SMPD4: variants seen among roughly 807,000 people sequenced by gnomAD.
SMPD4 encodes the protein sphingomyelin phosphodiesterase 4, also known as neutral sphingomyelinase 3.
In SMPD4, 58 loss-of-function variants were observed where a neutral mutation model predicts 97.8. That is an observed-to-expected ratio of 0.59 (90% confidence interval 0.48 to 0.74). The LOEUF (loss-of-function observed/expected upper bound fraction) is 0.74, where lower values mean the gene tolerates loss of function less well. Among genes scored for constraint, SMPD4 ranks in the 30% least tolerant of loss-of-function variants. The pLI is 0.00. For synonymous variants in SMPD4, 388 were observed against 450.0 expected (o/e 0.86, Z 1.74); for missense variants, 853 against 1,080.5 (o/e 0.79, Z 2.95).
rs774625579 is a variant in SMPD4 at position 130,152,637 on chromosome 2, G to A, written c.2402C>T (p.Thr801Met). ...SLFCVGPLPC[T>M]LLLTLGYVLY... Reference sequence around the variant, plus strand: ...GACATAGCCCAGGGTGAGCAGCAGCGTGCATGGGAGGGGCCCGACGCAGAA... The same window carrying A: ...GACATAGCCCAGGGTGAGCAGCAGCATGCATGGGAGGGGCCCGACGCAGAA... The change falls in exon 20 of 20, where the codon ACG becomes ATG. Residue 801 changes from threonine (T) to methionine (M), a missense_variant. Around this residue, in one of 3 missense-constraint regions of SMPD4, gnomAD observed 511 missense variants for 608.1 expected, o/e 0.84. Transcript: ENST00000680298. 1.3e-5 allele frequency: 21 copies of A among 1,559,390 alleles called. No individual in the cohort carries two copies. The African/African-American group carries it at 1.4e-4, about 10-fold the overall frequency.
intron 19 of SMPD4, 32 bp from the exon 20 acceptor site, chr2:130,152,916 G>A (rs1220055880): frequency 6.4e-7 from 1 of 1,564,002 alleles, no homozygotes; most frequent in Admixed American, 1.8e-5. Context: ...GGGGATGTGG[G>A]GTGGTGGCAC....
At chr2:130,180,429 G>A (rs1689452560) in intron 1 of SMPD4, among the ~76,000 whole-genome samples, 1 of 151,750 alleles carries the variant, frequency 6.6e-6, no homozygotes, top group Admixed American at 6.6e-5. Context: ...CCGCTACCAC[G>A]CCCGGCTAAT....
intron 14 of SMPD4, among the ~76,000 whole-genome samples, chr2:130,155,805 G>A (rs1470363719): frequency 6.6e-6 from 1 of 152,008 alleles, no homozygotes; most frequent in East Asian, 1.9e-4. Context: ...AGGGCAGGAT[G>A]GGTCACCCAC....
In SMPD4 at chr2:130,153,372, CG is replaced by C. The variant is rs1558737884; in HGVS notation, c.1971del (p.Asp658ThrfsTer95). On this transcript the variant is annotated frameshift_variant, in exon 18 of 20. Transcript: ENST00000680298. LOFTEE classifies it high-confidence loss of function. ...AGTCCGTCCTCACCCACGATGCAGT[CG>C]GGGAGTTGCTTTTTTCCATTCTCAT... ...TQDENGKKQL[P>X]DCIVGEDGLI... is the part of the protein sequence containing the mutation. 6.2e-7 allele frequency: 1 copy of C among 1,613,814 alleles called. No individual in the cohort carries two copies.
intron 2 of SMPD4, among the ~76,000 whole-genome samples, chr2:130,175,374 G>C (rs933721801): frequency 6.6e-6 from 1 of 152,086 alleles, no homozygotes; most frequent in African/African-American, 2.4e-5. Context: ...GAGTATAACT[G>C]AGTTTGTACG....
At position 130,158,319 on chromosome 2, in the gene SMPD4, CTTT is replaced by C. The variant is rs869169572; in HGVS notation, c.952-926_952-924del. On this transcript the variant is annotated intron_variant, in intron 11 of 19. Coordinates refer to ENST00000680298, the MANE Select transcript of SMPD4 (RefSeq NM_017951.5). ...GCACAGTCAAGCATATTAGGCCAAACTTTTTTTTTTTTTCTTGAGACAACGTCT... is the reference window on the plus strand; with the variant it reads ...GCACAGTCAAGCATATTAGGCCAAACTTTTTTTTTTCTTGAGACAACGTCT... 68 of 920,344 alleles carry C rather than the reference CTTT, an allele frequency of 7.4e-5. 1 individual carries two copies. In the East Asian group the frequency reaches 3.3e-3, roughly 45 times the overall value. The allele number at this position is 920,344 out of a possible 1,614,324, so 57.0% of individuals were successfully genotyped here.
At chr2:130,160,594 G>A (rs1687298178) in intron 11 of SMPD4, among the ~76,000 whole-genome samples, 1 of 152,206 alleles carries the variant, frequency 6.6e-6, no homozygotes, top group African/African-American at 2.4e-5. Context: ...AGCGGCCAGG[G>A]CTCCCCAGGT....
At chr2:130,176,912 G>A (rs919086624) in intron 1 of SMPD4, among the ~76,000 whole-genome samples, 1 of 152,172 alleles carries the variant, frequency 6.6e-6, no homozygotes, top group Non-Finnish European at 1.5e-5. Context: ...GTGATGCCCA[G>A]GATCCTGGCC....
chr2:130,174,872 G>A (rs1688821135), intron 3 of SMPD4, 42 bp downstream of exon 3: 1 of 1,413,716 alleles, frequency 7.1e-7, no homozygotes, highest in Non-Finnish European at 1.0e-6. Flanking sequence ...TTCAACGAAT[G>A]TATAAGACAT....
intron 8 of SMPD4, among the ~76,000 whole-genome samples, chr2:130,169,639 C>T (rs1384231069): frequency 6.6e-6 from 1 of 151,594 alleles, no homozygotes; most frequent in Non-Finnish European, 1.5e-5. Context: ...GCTCACAGCT[C>T]ATTGCTCCTG....
chr2:130,154,176 A>G, intron 16 of SMPD4, 101 bp downstream of exon 16: 1 of 1,376,590 alleles, frequency 7.3e-7, no homozygotes, highest in Non-Finnish European at 9.7e-7. Flanking sequence ...TCAAATCTAT[A>G]CCCAGCCTCC....
intron 11 of SMPD4, chr2:130,158,034 G>C (rs971973984): frequency 1.0e-5 from 4 of 389,700 alleles, no homozygotes; most frequent in Admixed American, 9.5e-5. Context: ...TAATGACTCA[G>C]GAGGCTAGGG....
At chr2:130,172,175 G>C (rs1688532659) in intron 8 of SMPD4, among the ~76,000 whole-genome samples, 174 bp downstream of exon 8, 1 of 152,212 alleles carries the variant, frequency 6.6e-6, no homozygotes, top group South Asian at 2.1e-4. Flanking sequence ...AGGACAGATT[G>C]CCCGCCATAC....
At position 130,173,261 on chromosome 2, in the gene SMPD4, C is replaced by T. The variant is rs1258563817; in HGVS notation, c.345+18G>A. On this transcript the variant is annotated intron_variant, in intron 5 of 19. Transcript: ENST00000680298. The stretch of plus-strand genomic sequence containing the variant: ...CCCACTGCCCCGAGCACCACTCTCG[C>T]CACTGTGGTTTACTTACAGGCAAGT... 6.2e-7 allele frequency: 1 copy of T among 1,613,072 alleles called. No individual in the cohort carries two copies. Among genetic ancestry groups the T allele is most frequent in the East Asian group, 2.2e-5 (1 of 44,836 alleles).
At chr2:130,161,059 G>A (rs1279300372) in intron 11 of SMPD4, 127 bp downstream of exon 11, 8 of 875,848 alleles carry the variant, frequency 9.1e-6, no homozygotes, top group South Asian at 4.9e-5. Flanking sequence ...GCCTCCCCCC[G>A]ACACAGGGGC....
chr2:130,169,552 C>G (rs889566500), intron 8 of SMPD4, among the ~76,000 whole-genome samples: 2 of 151,488 alleles, frequency 1.3e-5, no homozygotes, highest in East Asian at 3.9e-4. Context: ...GGGTGAAGAT[C>G]TATGAAAGTT....
chr2:130,162,177 C>T (rs1371332573), intron 10 of SMPD4, among the ~76,000 whole-genome samples: 5 of 152,268 alleles, frequency 3.3e-5, no homozygotes, highest in Admixed American at 1.3e-4. Context: ...GATCTGGCCA[C>T]AGCCACACAC....
At chr2:130,154,970 C>T in intron 15 of SMPD4, 126 bp downstream of exon 15, 2 of 1,264,798 alleles carry the variant, frequency 1.6e-6, no homozygotes, top group Non-Finnish European at 2.2e-6. Context: ...GTCTCCACAG[C>T]ACCCTTTGCC....
chr2:130,152,669 G>A lies in SMPD4; in HGVS notation c.2370C>T (p.Ala790=), dbSNP rs1329965289. 1 of 1,568,118 alleles carries A rather than the reference G, an allele frequency of 6.4e-7. No individual in the cohort carries two copies. The highest frequency in any genetic ancestry group is 8.6e-7 in the Non-Finnish European group (1 of 1,157,450). Residue 790 remains alanine (A), a synonymous_variant, in exon 20 of 20, where the codon GCC becomes GCT. Transcript: ENST00000680298. ...LVSLLLAFFV[A]SLFCVGPLPC... ...GGAGGGGCCCGACGCAGAACAGAGAGGCCACGAAGAAGGCCAGCAGCAGCG... is the reference window on the plus strand; with the variant it reads ...GGAGGGGCCCGACGCAGAACAGAGAAGCCACGAAGAAGGCCAGCAGCAGCG...
Sources: gnomAD v4.1 joint callset for allele counts (sites outside exome capture counted in the v4.1 genomes callset) on GRCh38, gnomAD v4.1.1 for gene constraint, gnomAD v4.1.1 regional missense constraint, MANE v1.5 for transcripts, NCBI Gene and HGNC (gene_info 2026-07-23, HGNC 2026-07-21) for gene names.